PYROXD1: variants seen among roughly 807,000 people sequenced by gnomAD.
PYROXD1 encodes tRNA ligase complex-associated NAD(P)H dehydrogenase PYROXD1.
In PYROXD1, 42 loss-of-function variants were observed where a neutral mutation model predicts 62.0. The observed-to-expected ratio is 0.68, with a 90% CI of 0.53 to 0.88. The LOEUF (loss-of-function observed/expected upper bound fraction) is 0.88. PYROXD1 is among the 40% of genes least tolerant of loss of function. The pLI is 0.00. For missense variants in PYROXD1, 493 were observed against 604.8 expected (o/e 0.82, Z 1.94); for synonymous variants, 170 against 206.4 (o/e 0.82, Z 1.51).
chr12:21,462,693 C>G, intron 9 of PYROXD1, 47 bp from the exon 10 acceptor site: 1 of 1,594,572 alleles, frequency 6.3e-7, no homozygotes, highest in Non-Finnish European at 8.6e-7. Flanking sequence ...TGGAAAAAGT[C>G]GTTTCATTTT....
At chr12:21,453,174 A>T (rs1310237361) in intron 5 of PYROXD1, among the ~76,000 whole-genome samples, 3 of 152,102 alleles carry the variant, frequency 2.0e-5, no homozygotes, top group Non-Finnish European at 4.4e-5. Flanking sequence ...CCAAAGTATC[A>T]CTTACTATTA....
intron 7 of PYROXD1, among the ~76,000 whole-genome samples, chr12:21,460,206 C>A (rs1942668611): frequency 6.8e-6 from 1 of 146,326 alleles, no homozygotes; most frequent in Non-Finnish European, 1.5e-5. Context: ...TACACAAAGT[C>A]CCTTCTTCTT....
chr12:21,438,130 T>G (rs549388491), intron 1 of PYROXD1: 30 of 315,944 alleles, frequency 9.5e-5, no homozygotes, highest in Non-Finnish European at 1.4e-4. Flanking sequence ...TTCAGCCCCC[T>G]TTCTTTTTAT....
In PYROXD1 at chr12:21,441,729, AT is replaced by A. The variant is rs1314809066; in HGVS notation, c.165+1283del. Among the ~76,000 whole-genome samples, 9 of 120,642 alleles carry A rather than the reference AT, an allele frequency of 7.5e-5. No individual in the cohort carries two copies. The South Asian group carries it at 7.5e-4, about 10-fold the overall frequency. 79.1% of individuals were successfully genotyped at this position (120,642 alleles called of 152,430 possible). A position where few individuals can be genotyped will look rare whatever the true frequency, so the allele number is the denominator to read the frequency against. The stretch of plus-strand genomic sequence containing the variant: ...GAAGTTCCTTCAGCTTCTTTAAACA[AT>A]TATTTTGAATTCTTAGGCAGTTCTG... On this transcript the variant is annotated intron_variant, in intron 2 of 11. Coordinates refer to ENST00000240651, the MANE Select transcript of PYROXD1 (RefSeq NM_024854.5).
intron 2 of PYROXD1, among the ~76,000 whole-genome samples, chr12:21,442,344 G>A (rs916326565): frequency 1.3e-5 from 2 of 152,210 alleles, no homozygotes; most frequent in Admixed American, 6.5e-5. Flanking sequence ...AGGTGAGGAT[G>A]CTTGTGAGGC....
chr12:21,459,701 A>G (rs978753704), intron 7 of PYROXD1, among the ~76,000 whole-genome samples: 6 of 152,218 alleles, frequency 3.9e-5, no homozygotes, highest in African/African-American at 1.4e-4. Flanking sequence ...ATTAGAGGAC[A>G]GCCAGATGGT....
chr12:21,438,079 A>G, intron 1 of PYROXD1: 1 of 514,068 alleles, frequency 1.9e-6, no homozygotes, highest in South Asian at 2.6e-5. Context: ...GATCCTTGTA[A>G]TGTCAGAGCA....
chr12:21,462,883 A>G (rs368875984), intron 10 of PYROXD1, 21 bp downstream of exon 10: 22 of 1,597,408 alleles, frequency 1.4e-5, no homozygotes, highest in African/African-American at 4.0e-5. Context: ...ATATATAATT[A>G]TATGTTTTCA....
Position 21,461,991 on chromosome 12 carries a change from G to GTT in PYROXD1, c.881-9_881-8dup, listed in dbSNP as rs566366307. On this transcript the variant is annotated splice_polypyrimidine_tract_variant and intron_variant, in intron 8 of 11. Transcript: ENST00000240651. ...TTTACAAATAAAGTCTGTTTTTTTG[G>GTT]TTTTTTTTTCTTAAAGAGATGTGGC... The GTT allele has an allele frequency of 5.7e-5, 79 of 1,395,062 alleles. No individual in the cohort carries two copies. Among genetic ancestry groups the GTT allele is most frequent in the Non-Finnish European group, 5.5e-5 (55 of 1,004,838 alleles). The allele number at this position is 1,395,062 out of a possible 1,614,324, so 86.4% of individuals were successfully genotyped here.
chr12:21,449,858 C>CTTTT (rs71537701), intron 4 of PYROXD1, among the ~76,000 whole-genome samples, 167 bp downstream of exon 4: 2 of 147,374 alleles, frequency 1.4e-5, no homozygotes, highest in African/African-American at 2.5e-5. Context: ...AATTTTCTTT[C>CTTTT]TTTTTTTTTT....
intron 2 of PYROXD1, among the ~76,000 whole-genome samples, chr12:21,440,875 G>A (rs11046050): frequency 0.49 from 74,869 of 151,916 alleles, 18,509 homozygotes; most frequent in Middle Eastern, 0.59. Context: ...ATGAAAAGAC[G>A]TTTAATTTTG....
At chr12:21,453,721 T>C (rs1487594732) in intron 5 of PYROXD1, among the ~76,000 whole-genome samples, 1 of 151,994 alleles carries the variant, frequency 6.6e-6, no homozygotes, top group East Asian at 1.9e-4. Flanking sequence ...TCCTAGGAGG[T>C]AGAGCAAGTA....
intron 7 of PYROXD1, among the ~76,000 whole-genome samples, chr12:21,457,784 G>A (rs1444044084): frequency 1.4e-5 from 1 of 69,942 alleles, no homozygotes; most frequent in African/African-American, 5.4e-5. Flanking sequence ...TAAGGATGGT[G>A]CTAAACTATT....
Position 21,462,010 on chromosome 12 carries a change from A to G in PYROXD1, c.883A>G (p.Met295Val). Residue 295 changes from methionine (M) to valine (V), a missense_variant and splice_region_variant, in exon 9 of 12, where the codon ATG becomes GTG. Met to Val is a conservative substitution (Grantham distance 21). Coordinates refer to ENST00000240651, the MANE Select transcript of PYROXD1 (RefSeq NM_024854.5). ...TTTTTGGTTTTTTTTTCTTAAAGAGATGTGGCCTGTCTATGTGGAATTGAC... is the reference window on the plus strand; with the variant it reads ...TTTTTGGTTTTTTTTTCTTAAAGAGGTGTGGCCTGTCTATGTGGAATTGAC... The part of the protein sequence containing the change: ...DHKSVTADTE[M>V]WPVYVELTNE... 6.2e-7 allele frequency: 1 copy of G among 1,602,154 alleles called. No homozygotes were observed. The highest frequency in any genetic ancestry group is 8.5e-7 in the Non-Finnish European group (1 of 1,172,422).
At chr12:21,445,306 A>ATTTT (rs757933201) in intron 2 of PYROXD1, 41 bp from the exon 3 acceptor site, 13 of 1,482,888 alleles carry the variant, frequency 8.8e-6, no homozygotes, top group African/African-American at 8.6e-5. Context: ...GAAAGAAAAT[A>ATTTT]CTTTAAAAAT....
At chr12:21,440,498 A>G (rs1453944074) in intron 2 of PYROXD1, 50 bp downstream of exon 2, 3 of 1,010,952 alleles carry the variant, frequency 3.0e-6, no homozygotes, top group Admixed American at 2.2e-5. Flanking sequence ...AAATTGCAAT[A>G]ACTTGCATAG....
At chr12:21,443,508 T>C (rs1942333383) in intron 2 of PYROXD1, among the ~76,000 whole-genome samples, 1 of 152,150 alleles carries the variant, frequency 6.6e-6, no homozygotes, top group South Asian at 2.1e-4. Context: ...AGAAAAGTCA[T>C]CTCCAAACTT....
At chr12:21,459,298 A>G (rs763407410) in intron 7 of PYROXD1, among the ~76,000 whole-genome samples, 4 of 152,162 alleles carry the variant, frequency 2.6e-5, no homozygotes, top group Non-Finnish European at 5.9e-5. Flanking sequence ...ACCCAAAAGG[A>G]CTGGGTTTGG....
chr12:21,451,457 A>G (rs77178889), intron 4 of PYROXD1, among the ~76,000 whole-genome samples: 4 of 149,820 alleles, frequency 2.7e-5, no homozygotes, highest in Non-Finnish European at 5.9e-5. Flanking sequence ...TTTTTTTTTT[A>G]GTAGAAGTTT....
Sources: gnomAD v4.1 joint callset for allele counts (sites outside exome capture counted in the v4.1 genomes callset) on GRCh38, gnomAD v4.1.1 for gene constraint, MANE v1.5 for transcripts, NCBI Gene and HGNC (gene_info 2026-07-23, HGNC 2026-07-21) for gene names.